The following CHRM2 variants were observed in gnomAD, a reference collection of about 807,000 sequenced individuals.
CHRM2 encodes cholinergic receptor muscarinic 2, also known as muscarinic acetylcholine receptor M2.
CHRM2 carries 8 observed loss-of-function variants against 25.0 expected under a neutral mutation model. The ratio of observed to expected loss-of-function variants is 0.32; its 90% CI spans 0.19 to 0.58. The LOEUF (loss-of-function observed/expected upper bound fraction) is 0.58, where lower values mean the gene tolerates loss of function less well. Ranked by LOEUF, CHRM2 falls within the 20% of genes least tolerant of loss-of-function variation. CHRM2 has a pLI of 0.88. For missense variants in CHRM2, 440 were observed against 567.1 expected (o/e 0.78, Z 2.28); for synonymous variants, 202 against 205.7 (o/e 0.98, Z 0.15).
intron 2 of CHRM2, chr7:136,914,274 T>C (rs950040628): frequency 6.6e-6 from 1 of 152,008 alleles, no homozygotes; most frequent in African/African-American, 2.4e-5. Flanking sequence ...AAATGGTTCA[T>C]AAAACAGCAT....
intron 2 of CHRM2, among the ~76,000 whole-genome samples, chr7:136,970,565 T>C (rs1801694071): frequency 6.6e-6 from 1 of 152,206 alleles, no homozygotes. Context: ...AGGGACCATG[T>C]CTTGGACTTC....
At chr7:137,014,241 T>TCC (rs1805019253) in intron 3 of CHRM2, among the ~76,000 whole-genome samples, 1 of 152,000 alleles carries the variant, frequency 6.6e-6, no homozygotes, top group African/African-American at 2.4e-5. Flanking sequence ...ATAATTCTCA[T>TCC]CTAGGGAGAG....
chr7:136,902,729 A>T (rs1797296568), intron 2 of CHRM2: 1 of 178,880 alleles, frequency 5.6e-6, no homozygotes, highest in African/African-American at 2.4e-5. Context: ...TCAGCTAGAT[A>T]TCCTTTCTCC....
chr7:137,009,314 T>C (rs959362978), intron 3 of CHRM2, among the ~76,000 whole-genome samples: 7 of 152,248 alleles, frequency 4.6e-5, no homozygotes, highest in East Asian at 3.9e-4. Context: ...TTTAGAACTT[T>C]TTTTGTCCAC....
At chr7:137,006,520 T>C (rs1804436934) in intron 3 of CHRM2, among the ~76,000 whole-genome samples, 1 of 152,130 alleles carries the variant, frequency 6.6e-6, no homozygotes, top group Non-Finnish European at 1.5e-5. Flanking sequence ...ATGTTTACAC[T>C]GTAATAAGTC....
chr7:136,916,670 T>C (rs1798132409), intron 2 of CHRM2, among the ~76,000 whole-genome samples: 1 of 150,358 alleles, frequency 6.7e-6, no homozygotes, highest in South Asian at 2.1e-4. Flanking sequence ...ATATTACATA[T>C]ATTAATATTA....
chr7:136,919,479 C>G (rs1798303596), intron 2 of CHRM2, among the ~76,000 whole-genome samples: 1 of 152,090 alleles, frequency 6.6e-6, no homozygotes. Flanking sequence ...TATGCTCTTA[C>G]TAACTTGCAA....
At chr7:136,896,866 C>G (rs191534571) in intron 2 of CHRM2, among the ~76,000 whole-genome samples, 1 of 152,078 alleles carries the variant, frequency 6.6e-6, no homozygotes, top group Non-Finnish European at 1.5e-5. Flanking sequence ...GAAAGTGAAA[C>G]GTCATTAAAG....
intron 3 of CHRM2, among the ~76,000 whole-genome samples, chr7:137,000,523 A>T (rs1803931895): frequency 1.8e-5 from 2 of 110,174 alleles, no homozygotes; most frequent in East Asian, 4.1e-4. Context: ...TTATTAAAAA[A>T]AAAGAAAGAA....
intron 2 of CHRM2, among the ~76,000 whole-genome samples, chr7:136,948,115 C>G (rs561475688): frequency 2.0e-4 from 31 of 152,104 alleles, no homozygotes; most frequent in Non-Finnish European, 4.1e-4. Context: ...CTTCTGTTCA[C>G]AGGACAGATT....
At chr7:136,971,441 C>A (rs1263952284) in intron 2 of CHRM2, among the ~76,000 whole-genome samples, 1 of 151,900 alleles carries the variant, frequency 6.6e-6, no homozygotes, top group South Asian at 2.1e-4. Flanking sequence ...CACGGTGAAA[C>A]CCTGTCTCTA....
chr7:136,950,507 T>C (rs544935303), intron 2 of CHRM2, among the ~76,000 whole-genome samples: 2 of 152,240 alleles, frequency 1.3e-5, no homozygotes, highest in African/African-American at 2.4e-5. Flanking sequence ...GCCTGAGGCT[T>C]TCCCACATCT....
rs191056371 is a variant in CHRM2 at position 136,905,258 on chromosome 7, G to A, written c.-125+35840G>A. On this transcript the variant is annotated intron_variant, in intron 2 of 3. Transcript: ENST00000680005. ...CAGTTTTTGAGTTGTTTGGATAACT[G>A]AAGATCATTTTCTTTGTTGAAAAGG... 2.8e-4 allele frequency among the ~76,000 whole-genome samples: 42 copies of A among 151,776 alleles called. 1 individual carries two copies. The highest frequency in any genetic ancestry group is 9.9e-4 in the African/African-American group (41 of 41,456).
intron 2 of CHRM2, among the ~76,000 whole-genome samples, chr7:136,888,946 G>A (rs1012500236): frequency 3.3e-5 from 5 of 150,884 alleles, no homozygotes; most frequent in Admixed American, 6.6e-5. Flanking sequence ...TTCTTGGGAG[G>A]CTGAGGCAGG....
At chr7:136,886,236 C>CT (rs1246468166) in intron 2 of CHRM2, among the ~76,000 whole-genome samples, 1 of 152,132 alleles carries the variant, frequency 6.6e-6, no homozygotes, top group Non-Finnish European at 1.5e-5. Context: ...ATCATAGTAC[C>CT]TTGTGGTAAG....
At position 137,016,510 on chromosome 7, in the gene CHRM2, T is replaced by C; in HGVS notation, c.*244T>C. 1 of 511,530 alleles carries C rather than the reference T, an allele frequency of 2.0e-6. No individual in the cohort carries two copies. The highest frequency in any genetic ancestry group is 3.6e-6 in the Non-Finnish European group (1 of 274,928). The allele number at this position is 511,530 out of a possible 1,614,324, so 31.7% of individuals were successfully genotyped here. On this transcript the variant is annotated 3_prime_UTR_variant, in exon 4 of 4. Transcript: ENST00000680005. Reference sequence around the variant, plus strand: ...GAAAGAAACATGTTGGGATCGTGGATTTAAGAAACTATACACTGTTTCTCA... The same window carrying C: ...GAAAGAAACATGTTGGGATCGTGGACTTAAGAAACTATACACTGTTTCTCA...
rs192087809 is a variant in CHRM2, at chr7:137,016,301, G to A, written c.*35G>A. The A allele has an allele frequency of 3.0e-3, 4,784 of 1,596,342 alleles. 7 individuals are homozygous for A. Among genetic ancestry groups the A allele is most frequent in the Non-Finnish European group, 3.9e-3 (4,490 of 1,164,760 alleles). On this transcript the variant is annotated 3_prime_UTR_variant, in exon 4 of 4. Coordinates refer to ENST00000680005, the MANE Select transcript of CHRM2 (RefSeq NM_001006630.2). Reference sequence around the variant, plus strand: ...GAAAAAGATAGAAGGTGGGCAAGGGGAGCTTGAGAAGAATAAAAGGGATAA... The same window carrying A: ...GAAAAAGATAGAAGGTGGGCAAGGGAAGCTTGAGAAGAATAAAAGGGATAA...
intron 3 of CHRM2, among the ~76,000 whole-genome samples, chr7:137,011,163 A>T (rs1386928441): frequency 2.7e-5 from 4 of 150,498 alleles, no homozygotes; most frequent in Admixed American, 2.7e-4. Context: ...AGGAATCTCC[A>T]GAGAGACAGA....
At chr7:136,958,156 T>G (rs752729358) in intron 2 of CHRM2, among the ~76,000 whole-genome samples, 3 of 152,140 alleles carry the variant, frequency 2.0e-5, no homozygotes, top group Non-Finnish European at 4.4e-5. Flanking sequence ...ATGAGCCAGT[T>G]GAGAGGGAAG....
Sources: allele counts gnomAD v4.1 joint callset (sites outside exome capture counted in the v4.1 genomes callset), GRCh38; gene constraint gnomAD v4.1.1; transcripts MANE v1.5; gene names NCBI Gene and HGNC (gene_info 2026-07-23, HGNC 2026-07-21).